FRAS1: variants seen among roughly 807,000 people sequenced by gnomAD.
FRAS1 encodes the protein extracellular matrix organizing protein FRAS1.
A neutral mutation model predicts 435.2 loss-of-function variants in FRAS1; 290 were observed. The observed-to-expected ratio is 0.67, with a 90% CI of 0.61 to 0.73. The LOEUF (loss-of-function observed/expected upper bound fraction) is 0.73, where lower values mean the gene tolerates loss of function less well. Ranked by LOEUF, FRAS1 falls within the 30% of genes least tolerant of loss-of-function variation. The pLI, the probability that FRAS1 is intolerant of heterozygous loss-of-function variation, is 0.00. For missense variants in FRAS1, 4,860 were observed against 5,001.5 expected (o/e 0.97, Z 0.85); for synonymous variants, 1,800 against 1,851.0 (o/e 0.97, Z 0.71).
intron 2 of FRAS1, among the ~76,000 whole-genome samples, chr4:78,198,676 A>C (rs1411999951): frequency 6.6e-6 from 1 of 152,160 alleles, no homozygotes; most frequent in African/African-American, 2.4e-5. Context: ...GCTCTATGTT[A>C]TCATGGATTC....
intron 23 of FRAS1, among the ~76,000 whole-genome samples, chr4:78,372,203 G>A (rs1195783938): frequency 6.6e-6 from 1 of 152,134 alleles, no homozygotes; most frequent in Non-Finnish European, 1.5e-5. Flanking sequence ...TGACATCATT[G>A]GTTCTTTCTG....
intron 47 of FRAS1, among the ~76,000 whole-genome samples, chr4:78,463,229 T>G (rs760403416): frequency 1.3e-5 from 2 of 152,224 alleles, no homozygotes; most frequent in Non-Finnish European, 2.9e-5. Context: ...GCAGAGATAT[T>G]GCACATTTGT....
intron 9 of FRAS1, among the ~76,000 whole-genome samples, chr4:78,269,607 T>C (rs1460979723): frequency 2.6e-5 from 4 of 152,206 alleles, no homozygotes; most frequent in Non-Finnish European, 5.9e-5. Context: ...AAAATCAGCA[T>C]ACAGTTTTTG....
At position 78,508,840 on chromosome 4, in the gene FRAS1, A is replaced by G. The variant is rs764875602; in HGVS notation, c.9614A>G (p.His3205Arg). ...PLVCVTPCDP[H>R]FPRYAVMKER... is the part of the protein sequence containing the mutation. ...GTCTGTGTCACCCCCTGCGACCCTC[A>G]TTTCCCCAGATACGCTGTCATGAAG... The change falls in exon 63 of 74, where the codon CAT (histidine) becomes CGT (arginine). Residue 3205 changes from histidine to arginine, a missense_variant. Physicochemically the swap from His to Arg is conservative, Grantham distance 29. Transcript: ENST00000512123. 1.2e-6 allele frequency: 2 copies of G among 1,613,662 alleles called. No homozygotes were observed. The highest frequency in any genetic ancestry group is 1.3e-5 in the African/African-American group (1 of 74,972).
chr4:78,077,247 ATCT>A (rs1560509515), intron 2 of FRAS1, among the ~76,000 whole-genome samples: 1 of 151,718 alleles, frequency 6.6e-6, no homozygotes, highest in Non-Finnish European at 1.5e-5. Context: ...GCATGTGCCT[ATCT>A]TCTCAGCTAC....
intron 6 of FRAS1, among the ~76,000 whole-genome samples, chr4:78,262,826 A>G (rs1162047131): frequency 2.0e-5 from 3 of 152,212 alleles, no homozygotes; most frequent in African/African-American, 7.2e-5. Flanking sequence ...TGAGGGCACC[A>G]TATTAGACCT....
At chr4:78,468,992 G>A (rs1298542290) in intron 50 of FRAS1, among the ~76,000 whole-genome samples, 2 of 152,194 alleles carry the variant, frequency 1.3e-5, no homozygotes, top group African/African-American at 4.8e-5. Flanking sequence ...TCGGTGGGAT[G>A]GCTCTTGGGA....
chr4:78,467,994 T>C (rs1273686759), intron 50 of FRAS1, among the ~76,000 whole-genome samples: 1 of 152,226 alleles, frequency 6.6e-6, no homozygotes, highest in Non-Finnish European at 1.5e-5. Context: ...GATGAGTAGA[T>C]GGCAGATATT....
intron 47 of FRAS1, among the ~76,000 whole-genome samples, chr4:78,460,321 A>G (rs1470251347): frequency 1.3e-5 from 2 of 152,248 alleles, no homozygotes; most frequent in African/African-American, 2.4e-5. Flanking sequence ...GGGTCTCCAT[A>G]ATACTGCCAG....
rs1730019791 is a variant in FRAS1 at position 78,333,352 on chromosome 4, G to A, written c.2218G>A (p.Asp740Asn). ...TDCGPSHVLL[D>N]GQCLSQCPDG... ...CTGTGGGCCTTCCCATGTGCTGTTG[G>A]ATGGGCAGTGCCTCTCCCAGTGCCC... The change falls in exon 19 of 74, where the codon GAT becomes AAT. Residue 740 changes from aspartate (D) to asparagine (N), a missense_variant. Transcript: ENST00000512123. 2 of 1,612,396 alleles carry A rather than the reference G, an allele frequency of 1.2e-6. No individual in the cohort carries two copies. Among genetic ancestry groups the A allele is most frequent in the African/African-American group, 1.3e-5 (1 of 75,030 alleles).
chr4:78,305,236 A>G (rs1728649789), intron 14 of FRAS1, among the ~76,000 whole-genome samples: 1 of 151,920 alleles, frequency 6.6e-6, no homozygotes, highest in African/African-American at 2.4e-5. Context: ...ATAGTTTGTT[A>G]TAATTTCTGT....
rs1727402304 is a variant in FRAS1 at position 78,282,924 on chromosome 4, G to C, written c.1212G>C (p.Leu404=). Residue 404 remains leucine (L), a synonymous_variant, in exon 12 of 74, where the codon CTG becomes CTC. Coordinates refer to ENST00000512123, the MANE Select transcript of FRAS1 (RefSeq NM_025074.7). ...PSCPPCPVGT[L]ALEVKGQCCP... ...GCCCACCATGTCCAGTGGGCACACT[G>C]GCCTTAGAGGTGAAGGGACAGTGCT... 1.2e-6 allele frequency: 2 copies of C among 1,609,000 alleles called. No individual in the cohort carries two copies. Among genetic ancestry groups the C allele is most frequent in the African/African-American group, 1.3e-5 (1 of 74,832 alleles).
chr4:78,482,079 T>C (rs1720028950), intron 57 of FRAS1, 115 bp downstream of exon 57: 1 of 1,119,290 alleles, frequency 8.9e-7, no homozygotes, highest in Non-Finnish European at 1.3e-6. Context: ...ATCTTTCCTT[T>C]CTTTAAAAAC....
intron 2 of FRAS1, among the ~76,000 whole-genome samples, chr4:78,127,182 A>C (rs1719410346): frequency 6.6e-6 from 1 of 152,030 alleles, no homozygotes; most frequent in African/African-American, 2.4e-5. Context: ...TGAGCTGGGG[A>C]GAGAAAGAGA....
intron 20 of FRAS1, among the ~76,000 whole-genome samples, chr4:78,344,374 T>C (rs1730517274): frequency 6.6e-6 from 1 of 152,016 alleles, no homozygotes; most frequent in Non-Finnish European, 1.5e-5. Flanking sequence ...CATTTTTACA[T>C]GTAAGGAGAC....
intron 34 of FRAS1, 54 bp from the exon 35 acceptor site, chr4:78,424,334 C>G: frequency 1.1e-6 from 1 of 934,930 alleles, no homozygotes; most frequent in Non-Finnish European, 1.6e-6. Flanking sequence ...CCTTTCCTAT[C>G]TCTCTCTGAT....
At chr4:78,105,209 T>G (rs369497595) in intron 2 of FRAS1, among the ~76,000 whole-genome samples, 2 of 152,298 alleles carry the variant, frequency 1.3e-5, no homozygotes, top group East Asian at 1.9e-4. Context: ...GAGTAAATGT[T>G]TAATGGGAAT....
chr4:78,189,416 A>G (rs1722429818), intron 2 of FRAS1, among the ~76,000 whole-genome samples: 1 of 152,180 alleles, frequency 6.6e-6, no homozygotes, highest in Non-Finnish European at 1.5e-5. Context: ...CTTTCGTTGA[A>G]CTTCCCTGTG....
At chr4:78,203,947 T>A (rs1411068852) in intron 2 of FRAS1, among the ~76,000 whole-genome samples, 1 of 152,184 alleles carries the variant, frequency 6.6e-6, no homozygotes, top group Non-Finnish European at 1.5e-5. Context: ...TTGTTAGTGA[T>A]CTTACTGTTT....
Sources: allele counts gnomAD v4.1 joint callset (sites outside exome capture counted in the v4.1 genomes callset), GRCh38; gene constraint gnomAD v4.1.1; transcripts MANE v1.5; gene names NCBI Gene and HGNC (gene_info 2026-07-23, HGNC 2026-07-21).